CAMKK2: variants seen among roughly 807,000 people sequenced by gnomAD.
The protein encoded by CAMKK2 is calcium/calmodulin dependent protein kinase kinase 2, also known as calcium/calmodulin-dependent protein kinase kinase 2.
A neutral mutation model predicts 67.2 loss-of-function variants in CAMKK2; 30 were observed. The observed-to-expected ratio is 0.45, with a 90% CI of 0.33 to 0.61. The LOEUF (loss-of-function observed/expected upper bound fraction) is 0.61, where lower values mean the gene tolerates loss of function less well. Ranked by LOEUF, CAMKK2 falls within the 20% of genes least tolerant of loss-of-function variation. The probability of loss-of-function intolerance (pLI) is 0.02; values close to 1 mark genes in which losing one functional copy is unlikely to be tolerated. For synonymous variants in CAMKK2, 322 were observed against 326.2 expected, an observed-to-expected ratio of 0.99 and a Z score of 0.14; for missense variants, 643 against 802.0, an observed-to-expected ratio of 0.80 and a Z score of 2.39.
intron 8 of CAMKK2, 59 bp from the exon 9 acceptor site, chr12:121,255,697 C>T (rs1892134315): frequency 6.2e-7 from 1 of 1,607,066 alleles, no homozygotes; most frequent in South Asian, 1.1e-5. Context: ...TGCCCTCTCT[C>T]ATGAGCAGAG....
At chr12:121,267,082 A>ATTTAAATTTT (rs1364263142) in intron 5 of CAMKK2, among the ~76,000 whole-genome samples, 1 of 44,414 alleles carries the variant, frequency 2.3e-5, no homozygotes, top group Admixed American at 3.2e-4. Context: ...ACCTCGTGGT[A>ATTTAAATTTT]TTTAAATTTT....
chr12:121,256,463 A>T (rs1300259117), intron 7 of CAMKK2, among the ~76,000 whole-genome samples: 1 of 152,174 alleles, frequency 6.6e-6, no homozygotes, highest in Non-Finnish European at 1.5e-5. Flanking sequence ...TAGTATATTC[A>T]CAATTTTGGG....
Position 121,240,766 on chromosome 12 carries a change from G to A in CAMKK2, c.1700C>T (p.Ala567Val), listed in dbSNP as rs144382983. Residue 567 changes from alanine to valine, a missense_variant, in exon 17 of 17, where the codon GCC becomes GTC. Transcript: ENST00000404169. This position sits in a 1 kb window ranked among gnomAD's most constrained non-coding sequence, Gnocchi z 4.4. ...RGSPCVESCW[A>V]PAPGSPARMH... ...GCGTGCGGGGGAGCCGGGGGCGGGG[G>A]CCCAGCAACTTTCCACGCAGGGACT... 9.5e-4 allele frequency: 1,531 copies of A among 1,608,714 alleles called. 3 individuals carry two copies. Among genetic ancestry groups the A allele is most frequent in the Admixed American group, 2.2e-3 (128 of 58,500 alleles).
In CAMKK2 at chr12:121,285,565, G is replaced by A. The variant is rs980306652; in HGVS notation, c.-59-10980C>T. ...GGCTCACGCCTGTGCTCCTAGCACT[G>A]TGGAAGTCTGAGGTGGGCAGATCCC... On this transcript the variant is annotated intron_variant, in intron 1 of 16. Transcript: ENST00000404169. This position sits in a 1 kb window ranked among gnomAD's most constrained non-coding sequence, Gnocchi z 4.1. 1.6e-4 allele frequency among the ~76,000 whole-genome samples: 25 copies of A among 152,016 alleles called. No homozygotes were observed. Among genetic ancestry groups the A allele is most frequent in the Admixed American group, 1.6e-3 (24 of 15,248 alleles).
rs146945076 is a variant in CAMKK2 at position 121,274,152 on chromosome 12, G to A, written c.375C>T (p.Ser125=). ...GGGAGCTGACGGGTGAGTAGGGCAG[G>A]GACGGGCAGATGCAGCGTCCGTTCA... is the stretch of plus-strand genomic sequence containing the variant. The part of the protein sequence containing the change: ...LDMNGRCICP[S]LPYSPVSSPQ... The change falls in exon 2 of 17, where the codon TCC becomes TCT. Residue 125 remains serine (S), a synonymous_variant. Transcript: ENST00000404169. 5 of 1,593,548 alleles carry A rather than the reference G, an allele frequency of 3.1e-6. No individual in the cohort carries two copies. In the African/African-American group the frequency reaches 4.0e-5, roughly 13 times the overall value.
At chr12:121,250,070 G>A in intron 11 of CAMKK2, 36 bp from the exon 12 acceptor site, 1 of 1,555,548 alleles carries the variant, frequency 6.4e-7, no homozygotes, top group Non-Finnish European at 8.8e-7. Context: ...GCAGTCAATG[G>A]CGGCCACATC....
intron 1 of CAMKK2, among the ~76,000 whole-genome samples, chr12:121,288,365 T>C (rs1486013459): frequency 1.3e-5 from 2 of 152,126 alleles, no homozygotes; most frequent in Non-Finnish European, 2.9e-5. Flanking sequence ...ATGCTAAATC[T>C]AGCTGCAAGC....
At chr12:121,268,615 C>A (rs113324879) in intron 5 of CAMKK2, 23 bp downstream of exon 5, 1 of 1,613,250 alleles carries the variant, frequency 6.2e-7, no homozygotes, top group South Asian at 1.1e-5. Flanking sequence ...CTGTACCTAA[C>A]AACAAAGGCC....
Position 121,253,566 on chromosome 12 carries a change from A to AGAGGGGTG in CAMKK2, c.908-95_908-94insCACCCCTC. On this transcript the variant is annotated intron_variant, in intron 9 of 16. Transcript: ENST00000404169. This position sits in a 1 kb window ranked among gnomAD's most constrained non-coding sequence, Gnocchi z 5.0. ...CATGGCCTGGAGACACAGGCATGGC[A>AGAGGGGTG]CCCCTCTGATGCCTTGTCTCCCACA... The AGAGGGGTG allele has an allele frequency of 2.8e-6, 3 of 1,065,186 alleles. No homozygotes were observed. The highest frequency in any genetic ancestry group is 4.3e-6 in the Non-Finnish European group (3 of 693,236). The allele number at this position is 1,065,186 out of a possible 1,614,324, so 66.0% of individuals were successfully genotyped here.
Position 121,253,494 on chromosome 12 carries a change from G to A in CAMKK2, c.908-22C>T. Reference sequence around the variant, plus strand: ...TGTACTGGGGAGGCGTAGACAGCAGGTGGGAGATAGGGGCAGGAAAACCTC... The same window carrying A: ...TGTACTGGGGAGGCGTAGACAGCAGATGGGAGATAGGGGCAGGAAAACCTC... On this transcript the variant is annotated intron_variant, in intron 9 of 16. Coordinates refer to ENST00000404169, the MANE Select transcript of CAMKK2 (RefSeq NM_001270485.2). The surrounding 1 kb of genome is among the most constrained non-coding windows in gnomAD (Gnocchi z 5.0). 1 of 1,609,254 alleles carries A rather than the reference G, an allele frequency of 6.2e-7. No individual in the cohort carries two copies. Among genetic ancestry groups the A allele is most frequent in the Non-Finnish European group, 8.5e-7 (1 of 1,175,660 alleles).
chr12:121,254,908 T>C (rs1235278738), intron 9 of CAMKK2, among the ~76,000 whole-genome samples: 1 of 151,962 alleles, frequency 6.6e-6, no homozygotes, highest in Non-Finnish European at 1.5e-5. Context: ...TGTGTGGGTG[T>C]TGCCAAAGGA....
chr12:121,258,056 G>A (rs1156839509), intron 7 of CAMKK2, among the ~76,000 whole-genome samples: 1 of 143,686 alleles, frequency 7.0e-6, no homozygotes, highest in Non-Finnish European at 1.5e-5. Context: ...ACAAAGTCTA[G>A]CTCTGTCACC....
At position 121,257,879 on chromosome 12, in the gene CAMKK2, C is replaced by T. The variant is rs1892661756; in HGVS notation, c.797-2075G>A. Among the ~76,000 whole-genome samples, 9 of 152,216 alleles carry T rather than the reference C, an allele frequency of 5.9e-5. No homozygotes were observed. The South Asian group carries it at 1.7e-3, about 28-fold the overall frequency. On this transcript the variant is annotated intron_variant, in intron 7 of 16. Coordinates refer to ENST00000404169, the MANE Select transcript of CAMKK2 (RefSeq NM_001270485.2). ...ATTTCTGCACCATCCTCCCACCCACCCAAGCACCATAAATCAGGTGGCATG... is the reference window on the plus strand; with the variant it reads ...ATTTCTGCACCATCCTCCCACCCACTCAAGCACCATAAATCAGGTGGCATG...
chr12:121,282,945 G>A (rs1898071798), intron 1 of CAMKK2, among the ~76,000 whole-genome samples: 1 of 152,070 alleles, frequency 6.6e-6, no homozygotes, highest in Admixed American at 6.6e-5. Flanking sequence ...AGTGGAGACA[G>A]GGTTTCACCA....
chr12:121,286,410 G>T (rs926465936), intron 1 of CAMKK2, among the ~76,000 whole-genome samples: 1 of 152,210 alleles, frequency 6.6e-6, no homozygotes, highest in South Asian at 2.1e-4. Flanking sequence ...CACAAGAATC[G>T]CATTGCTGCA....
intron 5 of CAMKK2, among the ~76,000 whole-genome samples, chr12:121,265,122 G>C (rs1894271468): frequency 6.6e-6 from 1 of 152,124 alleles, no homozygotes; most frequent in South Asian, 2.1e-4. Flanking sequence ...TAAACAATAG[G>C]CAGTCACAAG....
intron 1 of CAMKK2, among the ~76,000 whole-genome samples, chr12:121,294,529 C>T (rs1423224982): frequency 6.6e-6 from 1 of 152,198 alleles, no homozygotes; most frequent in African/African-American, 2.4e-5. Flanking sequence ...AGTGAATAAA[C>T]AAAACAAAAC....
intron 9 of CAMKK2, among the ~76,000 whole-genome samples, chr12:121,255,260 AATTT>A (rs1891758973): frequency 7.4e-5 from 6 of 81,108 alleles, no homozygotes; most frequent in African/African-American, 2.8e-4. Context: ...TTATATATAT[AATTT>A]TATATATATA....
intron 6 of CAMKK2, among the ~76,000 whole-genome samples, chr12:121,263,071 C>T (rs995335471): frequency 1.3e-5 from 2 of 151,996 alleles, no homozygotes; most frequent in African/African-American, 2.4e-5. Context: ...CCAGTTCAAG[C>T]GATTCTCCTG....
Sources: allele counts gnomAD v4.1 joint callset (sites outside exome capture counted in the v4.1 genomes callset), GRCh38; gene constraint gnomAD v4.1.1; non-coding constraint Gnocchi (gnomAD v3.1); transcripts MANE v1.5; gene names NCBI Gene and HGNC (gene_info 2026-07-23, HGNC 2026-07-21).